Variants in ASAP2 observed in about 807,000 individuals in gnomAD.
ASAP2 encodes arf-GAP with SH3 domain, ANK repeat and PH domain-containing protein 2.
In ASAP2, 45 loss-of-function variants were observed where a neutral mutation model predicts 131.4. The observed-to-expected ratio is 0.34, with a 90% CI of 0.27 to 0.44. The LOEUF (loss-of-function observed/expected upper bound fraction) is 0.44, where lower values mean the gene tolerates loss of function less well. Among genes scored for constraint, ASAP2 ranks in the 20% least tolerant of loss-of-function variants. ASAP2 has a pLI of 1.00. For synonymous variants in ASAP2, 510 were observed against 503.0 expected (o/e 1.01, Z -0.19); for missense variants, 1,011 against 1,297.0 (o/e 0.78, Z 3.39).
Position 9,364,444 on chromosome 2 carries a change from A to G in ASAP2, c.1462-3981A>G, listed in dbSNP as rs190228993. 4.3e-4 allele frequency among the ~76,000 whole-genome samples: 66 copies of G among 152,288 alleles called. 2 individuals are homozygous for G. Among genetic ancestry groups the G allele is most frequent in the African/African-American group, 1.3e-3 (54 of 41,572 alleles). On this transcript the variant is annotated intron_variant, in intron 15 of 27. Coordinates refer to ENST00000281419, the MANE Select transcript of ASAP2 (RefSeq NM_003887.3). ...ATCACCTGAGCCCAGGAGGTTGGCT[A>G]TAGTGAACTGAGATTGTGCCACTGC...
chr2:9,330,745 G>C (rs887546795), intron 7 of ASAP2, among the ~76,000 whole-genome samples: 3 of 152,118 alleles, frequency 2.0e-5, no homozygotes, highest in Non-Finnish European at 4.4e-5. Flanking sequence ...TTATTTTTAA[G>C]AAGAAGCTAT....
chr2:9,214,007 C>T (rs997638111), intron 1 of ASAP2, among the ~76,000 whole-genome samples: 7 of 152,280 alleles, frequency 4.6e-5, no homozygotes, highest in South Asian at 2.1e-4. Context: ...TCTGCTCATG[C>T]GACCCTCTGC....
chr2:9,346,959 C>T (rs1320589636), intron 11 of ASAP2, among the ~76,000 whole-genome samples: 1 of 152,162 alleles, frequency 6.6e-6, no homozygotes, highest in Non-Finnish European at 1.5e-5. Context: ...CGGTTATAAC[C>T]GGCATTACTG....
At chr2:9,361,808 T>C (rs900782160) in intron 15 of ASAP2, among the ~76,000 whole-genome samples, 1 of 152,156 alleles carries the variant, frequency 6.6e-6, no homozygotes, top group Non-Finnish European at 1.5e-5. Context: ...CAAGTGATCC[T>C]CCTGCTTTGG....
At chr2:9,370,853 C>T (rs1673889824) in intron 16 of ASAP2, among the ~76,000 whole-genome samples, 1 of 152,180 alleles carries the variant, frequency 6.6e-6, no homozygotes, top group South Asian at 2.1e-4. Context: ...GAGGGTCCCG[C>T]TTGGTGAAGG....
chr2:9,387,671 A>G (rs895867618), intron 21 of ASAP2, among the ~76,000 whole-genome samples: 1 of 152,222 alleles, frequency 6.6e-6, no homozygotes, highest in Non-Finnish European at 1.5e-5. Flanking sequence ...CATAAGATAA[A>G]TAGCTTATAT....
intron 2 of ASAP2, among the ~76,000 whole-genome samples, 176 bp downstream of exon 2, chr2:9,279,565 A>G (rs146743270): frequency 1.6e-4 from 25 of 152,316 alleles, no homozygotes; most frequent in African/African-American, 5.8e-4. Context: ...TTGTTTTGCC[A>G]GTCGTCTGAT....
intron 12 of ASAP2, among the ~76,000 whole-genome samples, chr2:9,352,415 C>A (rs1194431113): frequency 6.6e-6 from 1 of 152,202 alleles, no homozygotes; most frequent in African/African-American, 2.4e-5. Context: ...AGAAGCCATG[C>A]GTTAAAATGC....
At chr2:9,301,195 G>A (rs1239641477) in intron 3 of ASAP2, among the ~76,000 whole-genome samples, 1 of 152,168 alleles carries the variant, frequency 6.6e-6, no homozygotes, top group East Asian at 1.9e-4. Context: ...GACTCACAGT[G>A]CTACCTCTTG....
At chr2:9,221,854 C>T (rs971286099) in intron 1 of ASAP2, among the ~76,000 whole-genome samples, 4 of 152,150 alleles carry the variant, frequency 2.6e-5, no homozygotes, top group Non-Finnish European at 4.4e-5. Flanking sequence ...GAGTGCATGG[C>T]GCCATCTCGG....
chr2:9,343,123 A>G (rs940131103), intron 9 of ASAP2, among the ~76,000 whole-genome samples: 7 of 152,184 alleles, frequency 4.6e-5, no homozygotes, highest in South Asian at 2.1e-4. Flanking sequence ...CTGTGGGGAA[A>G]GAAGATGGTG....
rs771535117 is a variant in ASAP2 at position 9,376,970 on chromosome 2, T to G, written c.1809T>G (p.Ile603Met). 5 of 1,613,926 alleles carry G rather than the reference T, an allele frequency of 3.1e-6. No individual in the cohort carries two copies. Among genetic ancestry groups the G allele is most frequent in the Non-Finnish European group, 4.2e-6 (5 of 1,179,958 alleles). Reference sequence around the variant, plus strand: ...CCGTGGATCGAACCTCTCTTCACATTGTAGACTTTTTAGTTCAGAACAGGT... The same window carrying G: ...CCGTGGATCGAACCTCTCTTCACATGGTAGACTTTTTAGTTCAGAACAGGT... ...VRSVDRTSLH[I>M]VDFLVQNSGN... Residue 603 changes from isoleucine to methionine, a missense_variant, in exon 18 of 28, where the codon ATT (isoleucine) becomes ATG (methionine). Physicochemically the swap from Ile to Met is conservative, Grantham distance 10 (BLOSUM62 1). Around this residue, in one of 2 missense-constraint regions of ASAP2, gnomAD observed 652 missense variants for 698.9 expected, o/e 0.93. Coordinates refer to ENST00000281419, the MANE Select transcript of ASAP2 (RefSeq NM_003887.3).
chr2:9,273,298 G>T (rs1666537172), intron 1 of ASAP2, among the ~76,000 whole-genome samples: 1 of 152,062 alleles, frequency 6.6e-6, no homozygotes, highest in Non-Finnish European at 1.5e-5. Context: ...AATTTTATTT[G>T]TAGCTATTGT....
At chr2:9,377,047 G>T in intron 18 of ASAP2, 54 bp downstream of exon 18, 1 of 1,481,350 alleles carries the variant, frequency 6.8e-7, no homozygotes, top group Non-Finnish European at 9.4e-7. Context: ...TATTTCTGGG[G>T]AAGGAATCGG....
chr2:9,280,129 C>T (rs932231245), intron 2 of ASAP2, among the ~76,000 whole-genome samples: 8 of 152,164 alleles, frequency 5.3e-5, no homozygotes, highest in African/African-American at 1.9e-4. Flanking sequence ...TGCCCGTGCT[C>T]AGGTGCAGAT....
intron 16 of ASAP2, among the ~76,000 whole-genome samples, chr2:9,373,226 A>G (rs1674122932): frequency 6.6e-6 from 1 of 151,990 alleles, no homozygotes; most frequent in Admixed American, 6.5e-5. Flanking sequence ...TAAAAGTGCC[A>G]GAGCACAAGT....
chr2:9,262,859 A>G (rs2666218), intron 1 of ASAP2, among the ~76,000 whole-genome samples: 48,312 of 152,148 alleles, frequency 0.32, 7,936 homozygotes, highest in African/African-American at 0.42. Context: ...CAAAGTCCTC[A>G]GTCTCTTTCA....
At chr2:9,361,341 G>A (rs1363775803) in intron 15 of ASAP2, among the ~76,000 whole-genome samples, 1 of 152,128 alleles carries the variant, frequency 6.6e-6, no homozygotes, top group Non-Finnish European at 1.5e-5. Context: ...GTCCTCTGTG[G>A]TTCACAGGAG....
chr2:9,344,005 A>G (rs1671780140), intron 9 of ASAP2, among the ~76,000 whole-genome samples: 1 of 152,200 alleles, frequency 6.6e-6, no homozygotes. Context: ...ATACTTGTTG[A>G]TGTTCACATG....
Sources: gnomAD v4.1 joint callset for allele counts (sites outside exome capture counted in the v4.1 genomes callset) on GRCh38, gnomAD v4.1.1 for gene constraint, gnomAD v4.1.1 regional missense constraint, MANE v1.5 for transcripts, NCBI Gene and HGNC (gene_info 2026-07-23, HGNC 2026-07-21) for gene names.